The following FRMPD4 variants were observed in gnomAD, a reference collection of about 807,000 sequenced individuals.
The protein encoded by FRMPD4 is FERM and PDZ domain-containing protein 4.
Under a neutral mutation model 94.1 loss-of-function variants are expected in FRMPD4, and 22 were observed. The ratio of observed to expected loss-of-function variants is 0.23; its 90% CI spans 0.17 to 0.33. The LOEUF (loss-of-function observed/expected upper bound fraction) is 0.33, where lower values mean the gene tolerates loss of function less well. Ranked by LOEUF, FRMPD4 falls within the 10% of genes least tolerant of loss-of-function variation. The probability of loss-of-function intolerance (pLI) is 1.00; values close to 1 mark genes in which losing one functional copy is unlikely to be tolerated. For synonymous variants in FRMPD4, 631 were observed against 548.6 expected (o/e 1.15, Z -2.10); for missense variants, 1,111 against 1,339.9 (o/e 0.83, Z 2.67).
At chrX:12,635,587 G>C (rs1041846246) in intron 4 of FRMPD4, among the ~76,000 whole-genome samples, 2 of 111,416 alleles carry the variant, frequency 1.8e-5, no homozygotes, top group Non-Finnish European at 3.8e-5. Flanking sequence ...ACCCCGGGGG[G>C]TGGAATATGC....
intron 4 of FRMPD4, among the ~76,000 whole-genome samples, chrX:12,638,374 C>A (rs1005471416): frequency 3.9e-4 from 44 of 111,734 alleles, no homozygotes; most frequent in African/African-American, 1.3e-3. Flanking sequence ...GTAGCTGGGA[C>A]TATAGGCATG....
At chrX:12,284,738 T>TA (rs1188004239) in intron 1 of FRMPD4, among the ~76,000 whole-genome samples, 1 of 112,025 alleles carries the variant, frequency 8.9e-6, no homozygotes, top group Non-Finnish European at 1.9e-5. Flanking sequence ...CTGTCAGTGT[T>TA]ACATTTTGTC....
At position 12,717,147 on chromosome X, in the gene FRMPD4, T is replaced by C. The variant is rs778177808; in HGVS notation, c.2674+14T>C. The C allele has an allele frequency of 1.9e-4, 196 of 1,056,042 alleles. 1 individual carries two copies. In the South Asian group the frequency reaches 3.9e-3, roughly 21 times the overall value. 87.0% of individuals were successfully genotyped at this position (1,056,042 alleles called of 1,213,427 possible). A position where few individuals can be genotyped will look rare whatever the true frequency, so the allele number is the denominator to read the frequency against. On this transcript the variant is annotated intron_variant, in intron 15 of 16. Coordinates refer to ENST00000675598, the MANE Select transcript of FRMPD4 (RefSeq NM_001368397.1). ...GTGACAATTCAGGTTCTTTCACAAT[T>C]GTTACATTCATTCACTGATAACCAT... is the stretch of plus-strand genomic sequence containing the variant.
chrX:12,289,077 T>A (rs1438903778), intron 1 of FRMPD4, among the ~76,000 whole-genome samples: 1 of 111,811 alleles, frequency 8.9e-6, no homozygotes. Flanking sequence ...TAGTGTCTTC[T>A]TCCTTTTTTT....
chrX:12,418,792 T>A (rs1253478787), intron 1 of FRMPD4, among the ~76,000 whole-genome samples: 1 of 112,068 alleles, frequency 8.9e-6, no homozygotes, highest in Non-Finnish European at 1.9e-5. Flanking sequence ...CTGCATCCTA[T>A]GATAATTCCC....
intron 1 of FRMPD4, among the ~76,000 whole-genome samples, chrX:12,189,698 G>A (rs2056467227): frequency 9.0e-6 from 1 of 111,323 alleles, no homozygotes; most frequent in Non-Finnish European, 1.9e-5. Context: ...AAAAGCATTT[G>A]GCAAAATCCA....
intron 1 of FRMPD4, among the ~76,000 whole-genome samples, chrX:12,190,833 C>G (rs1344078674): frequency 7.2e-5 from 8 of 110,707 alleles, no homozygotes; most frequent in African/African-American, 2.6e-4. Context: ...CCTACATGAC[C>G]TCAGGTGTAG....
chrX:12,156,564 A>G (rs1250285301), intron 1 of FRMPD4, among the ~76,000 whole-genome samples: 2 of 112,100 alleles, frequency 1.8e-5, no homozygotes, highest in African/African-American at 6.5e-5. Flanking sequence ...CAAGTGGGAA[A>G]TGTGCTTCTC....
At position 12,378,532 on chromosome X, in the gene FRMPD4, A is replaced by G. The variant is rs1158472406; in HGVS notation, c.42-120148A>G. On this transcript the variant is annotated intron_variant, in intron 1 of 16. Transcript: ENST00000675598. ...CACTTGGGGGTGAAGAGCACTCATC[A>G]TCTTGCATTCCTGCTGGATATATTA... 2.7e-5 allele frequency among the ~76,000 whole-genome samples: 3 copies of G among 112,474 alleles called. No homozygotes were observed. The Admixed American group carries it at 2.8e-4, about 11-fold the overall frequency.
intron 2 of FRMPD4, among the ~76,000 whole-genome samples, chrX:12,560,642 G>A (rs1354807156): frequency 7.4e-5 from 8 of 107,990 alleles, no homozygotes; most frequent in Non-Finnish European, 1.3e-4. Flanking sequence ...TTATAAATTT[G>A]GCATGACATG....
At chrX:12,164,776 G>A (rs2056084670) in intron 1 of FRMPD4, among the ~76,000 whole-genome samples, 1 of 112,374 alleles carries the variant, frequency 8.9e-6, no homozygotes, top group Non-Finnish European at 1.9e-5. Flanking sequence ...TGTGGTTTTT[G>A]ATTTGCATTT....
At chrX:12,185,639 A>G (rs1344801856) in intron 1 of FRMPD4, among the ~76,000 whole-genome samples, 2 of 111,484 alleles carry the variant, frequency 1.8e-5, no homozygotes, top group Non-Finnish European at 3.8e-5. Flanking sequence ...CAAAGGGAAA[A>G]AACTGTTCAT....
At chrX:12,090,067 A>G (rs1180749087) in intron 3 of FRMPD4, among the ~76,000 whole-genome samples, 2 of 111,702 alleles carry the variant, frequency 1.8e-5, no homozygotes, top group East Asian at 5.7e-4. Flanking sequence ...TGGAGAATAG[A>G]TAAGAATTGG....
intron 2 of FRMPD4, among the ~76,000 whole-genome samples, chrX:12,531,249 C>T (rs758596186): frequency 6.2e-5 from 7 of 112,272 alleles, no homozygotes; most frequent in Non-Finnish European, 1.3e-4. Flanking sequence ...GGCACTTTGT[C>T]TTAAAATGTT....
At chrX:12,586,999 C>T (rs775458822) in intron 2 of FRMPD4, among the ~76,000 whole-genome samples, 30 of 106,360 alleles carry the variant, frequency 2.8e-4, no homozygotes, top group African/African-American at 9.1e-4. Flanking sequence ...TTTTTTGAGA[C>T]GGAATCTCAC....
intron 2 of FRMPD4, among the ~76,000 whole-genome samples, chrX:12,565,171 T>C (rs1431939616): frequency 1.8e-5 from 2 of 111,061 alleles, no homozygotes; most frequent in African/African-American, 3.3e-5. Context: ...AATAAATGAT[T>C]TGATATAAAA....
intron 3 of FRMPD4, among the ~76,000 whole-genome samples, chrX:11,998,965 TA>T (rs1190675860): frequency 8.9e-6 from 1 of 112,137 alleles, no homozygotes; most frequent in Admixed American, 9.5e-5. Context: ...TTAATAATAA[TA>T]AAAGAGAAAT....
chrX:12,048,479 A>T (rs1357184889), intron 3 of FRMPD4, among the ~76,000 whole-genome samples: 1 of 111,983 alleles, frequency 8.9e-6, no homozygotes, highest in Non-Finnish European at 1.9e-5. Flanking sequence ...GCTGTGCAGA[A>T]AGTCTTTAGT....
chrX:11,902,229 CTT>C (rs1159965660), intron 3 of FRMPD4, among the ~76,000 whole-genome samples: 2 of 112,640 alleles, frequency 1.8e-5, no homozygotes, highest in Non-Finnish European at 3.7e-5. Flanking sequence ...AAATTGCTGT[CTT>C]TGTCAGCTTG....
Sources: allele counts gnomAD v4.1 joint callset (sites outside exome capture counted in the v4.1 genomes callset), GRCh38; gene constraint gnomAD v4.1.1; transcripts MANE v1.5; gene names NCBI Gene and HGNC (gene_info 2026-07-23, HGNC 2026-07-21).